The following CPQ variants were observed in gnomAD, a reference collection of about 807,000 sequenced individuals.
CPQ encodes the protein Ser-Met dipeptidase.
Under a neutral mutation model 45.7 loss-of-function variants are expected in CPQ, and 37 were observed. The ratio of observed to expected loss-of-function variants is 0.81; its 90% CI spans 0.62 to 1.07. The LOEUF is 1.07. Ranked by LOEUF, CPQ falls within the 50% of genes least tolerant of loss-of-function variation. The pLI is 0.00. For synonymous variants in CPQ, 186 were observed against 205.8 expected (o/e 0.90, Z 0.82); for missense variants, 537 against 572.9 (o/e 0.94, Z 0.64).
chr8:96,908,186 GGAGAAGAGAGA>G (rs1291991561), intron 4 of CPQ, among the ~76,000 whole-genome samples: 1 of 151,030 alleles, frequency 6.6e-6, no homozygotes, highest in South Asian at 2.1e-4. Flanking sequence ...GAGGAGAGAG[GGAGAAGAGAGA>G]GAGAAGAGAG....
At chr8:96,713,565 A>G (rs1809640288) in intron 1 of CPQ, among the ~76,000 whole-genome samples, 1 of 152,170 alleles carries the variant, frequency 6.6e-6, no homozygotes, top group African/African-American at 2.4e-5. Context: ...TCCCTAGAAA[A>G]CCATCAGATC....
chr8:97,001,713 CTTTCTTTCTT>C (rs1425899093), intron 5 of CPQ, among the ~76,000 whole-genome samples: 9 of 104,174 alleles, frequency 8.6e-5, no homozygotes, highest in African/African-American at 2.9e-4. Context: ...TTCTTTCTTT[CTTTCTTTCTT>C]TTTTTTTTTT....
intron 7 of CPQ, among the ~76,000 whole-genome samples, chr8:97,096,023 CA>C (rs1246439372): frequency 2.6e-5 from 4 of 152,208 alleles, no homozygotes; most frequent in African/African-American, 7.2e-5. Context: ...AGACCATCAA[CA>C]AATTTCCAGT....
intron 5 of CPQ, among the ~76,000 whole-genome samples, chr8:97,028,627 A>G (rs1297674700): frequency 6.6e-6 from 1 of 152,208 alleles, no homozygotes; most frequent in Non-Finnish European, 1.5e-5. Context: ...TTTTAACTTC[A>G]GAAACAGCTT....
At chr8:97,047,390 A>ATATT (rs1456303790) in intron 6 of CPQ, among the ~76,000 whole-genome samples, 1 of 152,218 alleles carries the variant, frequency 6.6e-6, no homozygotes, top group African/African-American at 2.4e-5. Context: ...ACATAGCAGC[A>ATATT]TATTTAGGAA....
At chr8:96,804,542 A>G (rs140329983) in intron 2 of CPQ, among the ~76,000 whole-genome samples, 171 of 152,154 alleles carry the variant, frequency 1.1e-3, no homozygotes, top group East Asian at 9.8e-3. Context: ...AGAATTCCTA[A>G]AAGTTTTTTT....
intron 4 of CPQ, among the ~76,000 whole-genome samples, chr8:96,949,858 C>T (rs894367933): frequency 1.3e-5 from 2 of 152,120 alleles, no homozygotes; most frequent in Non-Finnish European, 2.9e-5. Context: ...TTCAGACTTA[C>T]TCACTGCTTG....
At position 96,915,098 on chromosome 8, in the gene CPQ, A is replaced by G. The variant is rs568470652; in HGVS notation, c.849+35093A>G. Among the ~76,000 whole-genome samples, 10 of 152,294 alleles carry G rather than the reference A, an allele frequency of 6.6e-5. No homozygotes were observed. In the South Asian group the frequency reaches 1.9e-3, roughly 28 times the overall value. On this transcript the variant is annotated intron_variant, in intron 4 of 7. Transcript: ENST00000220763. ...ACTGGAAAGCTTTTTGTTTAAGGAA[A>G]GAATCAAAGAGCCAGAGAACTGTTG...
intron 1 of CPQ, among the ~76,000 whole-genome samples, chr8:96,694,859 T>C (rs1184349594): frequency 1.3e-5 from 2 of 152,118 alleles, no homozygotes; most frequent in Admixed American, 6.6e-5. Context: ...CTTAAAGAAC[T>C]AGAAAAGCAG....
intron 1 of CPQ, among the ~76,000 whole-genome samples, chr8:96,651,712 TAATC>T (rs1815578658): frequency 6.6e-6 from 1 of 150,956 alleles, no homozygotes; most frequent in East Asian, 1.9e-4. Flanking sequence ...ATTTTATTAT[TAATC>T]AAAAAATTAT....
At chr8:96,692,134 A>G (rs1473574798) in intron 1 of CPQ, among the ~76,000 whole-genome samples, 1 of 152,216 alleles carries the variant, frequency 6.6e-6, no homozygotes, top group East Asian at 1.9e-4. Flanking sequence ...GAGAAAGGGT[A>G]TTCTAGAAAG....
At chr8:97,115,285 A>G (rs897420586) in intron 7 of CPQ, among the ~76,000 whole-genome samples, 3 of 152,130 alleles carry the variant, frequency 2.0e-5, no homozygotes, top group Admixed American at 1.3e-4. Context: ...GCACTACCTA[A>G]CTGTTGTGTT....
chr8:96,852,469 A>G (rs1457851193), intron 3 of CPQ, among the ~76,000 whole-genome samples: 1 of 152,064 alleles, frequency 6.6e-6, no homozygotes, highest in Non-Finnish European at 1.5e-5. Flanking sequence ...ACCTTCCAGC[A>G]TTAGGTTTGT....
chr8:96,854,067 G>A (rs1219346824), intron 3 of CPQ, among the ~76,000 whole-genome samples: 1 of 152,078 alleles, frequency 6.6e-6, no homozygotes, highest in African/African-American at 2.4e-5. Context: ...GGGTTTTGTG[G>A]ACACATCACA....
At chr8:96,846,519 G>T (rs1811692597) in intron 3 of CPQ, among the ~76,000 whole-genome samples, 2 of 151,980 alleles carry the variant, frequency 1.3e-5, no homozygotes, top group Admixed American at 1.3e-4. Context: ...TCCACTTTTA[G>T]TTGCTTTCTT....
intron 1 of CPQ, among the ~76,000 whole-genome samples, chr8:96,748,766 A>C (rs1011316610): frequency 1.3e-5 from 2 of 152,178 alleles, no homozygotes; most frequent in African/African-American, 4.8e-5. Flanking sequence ...ATTGCTACAG[A>C]TTGCTTTTAT....
At chr8:96,772,560 A>C (rs1810557402) in intron 1 of CPQ, among the ~76,000 whole-genome samples, 1 of 152,184 alleles carries the variant, frequency 6.6e-6, no homozygotes, top group Non-Finnish European at 1.5e-5. Flanking sequence ...TAGGACAAGA[A>C]GATCAAGGAG....
intron 2 of CPQ, among the ~76,000 whole-genome samples, chr8:96,813,629 A>T (rs575100893): frequency 6.6e-6 from 1 of 152,240 alleles, no homozygotes; most frequent in African/African-American, 2.4e-5. Flanking sequence ...TCTTGAGGAA[A>T]TTATGATGAA....
At chr8:96,964,217 C>CACAT (rs1554580379) in intron 4 of CPQ, among the ~76,000 whole-genome samples, 1 of 139,702 alleles carries the variant, frequency 7.2e-6, no homozygotes, top group African/African-American at 2.6e-5. Context: ...CACACACACA[C>CACAT]ATCCTGTTGG....
Sources: gnomAD v4.1 joint callset for allele counts (sites outside exome capture counted in the v4.1 genomes callset) on GRCh38, gnomAD v4.1.1 for gene constraint, MANE v1.5 for transcripts, NCBI Gene and HGNC (gene_info 2026-07-23, HGNC 2026-07-21) for gene names.